The following NIPSNAP1 variants were observed in gnomAD, a reference collection of about 807,000 sequenced individuals.
NIPSNAP1 encodes nipsnap homolog 1, also known as protein NipSnap homolog 1.
A neutral mutation model predicts 49.2 loss-of-function variants in NIPSNAP1; 25 were observed. The ratio of observed to expected loss-of-function variants is 0.51; its 90% CI spans 0.37 to 0.71. The LOEUF (loss-of-function observed/expected upper bound fraction) is 0.71, where lower values mean the gene tolerates loss of function less well. Among genes scored for constraint, NIPSNAP1 ranks in the 30% least tolerant of loss-of-function variants. NIPSNAP1 has a pLI of 0.00. For synonymous variants in NIPSNAP1, 143 were observed against 140.7 expected, an observed-to-expected ratio of 1.02 and a Z score of -0.12; for missense variants, 294 against 361.0, an observed-to-expected ratio of 0.81 and a Z score of 1.50.
intron 8 of NIPSNAP1, among the ~76,000 whole-genome samples, chr22:29,559,306 C>T (rs2064317633): frequency 6.6e-6 from 1 of 152,080 alleles, no homozygotes; most frequent in Non-Finnish European, 1.5e-5. Flanking sequence ...TTTGGGAGGC[C>T]GAGGCTGGTG....
intron 8 of NIPSNAP1, among the ~76,000 whole-genome samples, 199 bp downstream of exon 8, chr22:29,560,535 C>T (rs926930901): frequency 4.6e-5 from 7 of 152,118 alleles, no homozygotes; most frequent in Admixed American, 6.6e-5. Context: ...CTTGAGCCAC[C>T]GCTCCCAGAC....
At chr22:29,580,698 T>A (rs1485552644) in intron 1 of NIPSNAP1, among the ~76,000 whole-genome samples, 2 of 152,122 alleles carry the variant, frequency 1.3e-5, no homozygotes, top group African/African-American at 2.4e-5. Context: ...CCACTCCTCC[T>A]GTCTTCTGCC....
At chr22:29,576,753 G>A (rs1179395497) in intron 1 of NIPSNAP1, among the ~76,000 whole-genome samples, 8 of 151,404 alleles carry the variant, frequency 5.3e-5, no homozygotes, top group Non-Finnish European at 8.8e-5. Flanking sequence ...GTGAAACCCC[G>A]TCTGTACTAA....
intron 6 of NIPSNAP1, 129 bp from the exon 7 acceptor site, chr22:29,561,331 C>T (rs1328464187): frequency 2.1e-6 from 3 of 1,455,066 alleles, no homozygotes; most frequent in Non-Finnish European, 2.9e-6. Flanking sequence ...TGGCCTCATT[C>T]GCAGGCCCTG....
At chr22:29,565,673 C>T (rs773602953) in intron 4 of NIPSNAP1, among the ~76,000 whole-genome samples, 30 of 152,016 alleles carry the variant, frequency 2.0e-4, no homozygotes, top group Non-Finnish European at 3.4e-4. Context: ...TTGCTTTTCT[C>T]TTATTCCCTT....
At position 29,570,157 on chromosome 22, in the gene NIPSNAP1, C is replaced by T; in HGVS notation, c.272+5G>A. 6.2e-7 allele frequency: 1 copy of T among 1,613,662 alleles called. No homozygotes were observed. The highest frequency in any genetic ancestry group is 8.5e-7 in the Non-Finnish European group (1 of 1,179,810). ...GGATGGGATGTATGGATGCAGGGTG[C>T]TCACGTGAGGCTGTTGTAGGCATCC... is the stretch of plus-strand genomic sequence containing the variant. On this transcript the variant is annotated splice_donor_5th_base_variant and intron_variant, in intron 3 of 9. Transcript: ENST00000216121.
intron 4 of NIPSNAP1, among the ~76,000 whole-genome samples, chr22:29,565,075 A>G (rs910900479): frequency 1.3e-5 from 2 of 152,046 alleles, no homozygotes; most frequent in Admixed American, 1.3e-4. Context: ...ATGGTGGTGC[A>G]TGTCTGTGGT....
chr22:29,560,654 T>C, intron 8 of NIPSNAP1, 80 bp downstream of exon 8: 1 of 1,108,796 alleles, frequency 9.0e-7, no homozygotes. Flanking sequence ...ATGAGGACAC[T>C]AATACAACCC....
At chr22:29,580,889 C>G (rs1294841755) in intron 1 of NIPSNAP1, 96 bp downstream of exon 1, 5 of 1,001,236 alleles carry the variant, frequency 5.0e-6, no homozygotes, top group Non-Finnish European at 7.0e-6. Context: ...AGATTCCAAG[C>G]GAGGAGTCTC....
chr22:29,561,092 G>A, intron 7 of NIPSNAP1, 79 bp downstream of exon 7: 1 of 1,346,256 alleles, frequency 7.4e-7, no homozygotes, highest in South Asian at 1.2e-5. Context: ...CCCTGGAAAA[G>A]GTGGCCCACC....
chr22:29,570,155 T>A lies in NIPSNAP1; in HGVS notation c.272+7A>T, dbSNP rs765229120. Reference sequence around the variant, plus strand: ...GGGGATGGGATGTATGGATGCAGGGTGCTCACGTGAGGCTGTTGTAGGCAT... The same window carrying A: ...GGGGATGGGATGTATGGATGCAGGGAGCTCACGTGAGGCTGTTGTAGGCAT... On this transcript the variant is annotated splice_region_variant and intron_variant, in intron 3 of 9. Transcript: ENST00000216121. 1 of 1,613,410 alleles carries A rather than the reference T, an allele frequency of 6.2e-7. No individual in the cohort carries two copies. Among genetic ancestry groups the A allele is most frequent in the South Asian group, 1.1e-5 (1 of 91,062 alleles).
intron 4 of NIPSNAP1, 94 bp from the exon 5 acceptor site, chr22:29,561,956 G>T: frequency 2.8e-6 from 3 of 1,053,194 alleles, no homozygotes; most frequent in Non-Finnish European, 4.4e-6. Context: ...CGGGGGAGGC[G>T]GGGTGGCCTG....
intron 4 of NIPSNAP1, chr22:29,564,467 G>C (rs2064356340): frequency 4.3e-6 from 2 of 463,860 alleles, no homozygotes; most frequent in Non-Finnish European, 8.9e-6. Context: ...AGGCTGGAGT[G>C]CGGTGGCGTG....
chr22:29,565,293 A>G (rs1018124993), intron 4 of NIPSNAP1, among the ~76,000 whole-genome samples: 15 of 152,096 alleles, frequency 9.9e-5, no homozygotes, highest in African/African-American at 2.4e-4. Context: ...AGGTGGATCA[A>G]CTGTGGTCAG....
In NIPSNAP1 at chr22:29,555,803, T is replaced by C. The variant is rs1176475226; in HGVS notation, c.*132A>G. 5 of 801,994 alleles carry C rather than the reference T, an allele frequency of 6.2e-6. No individual in the cohort carries two copies. The highest frequency in any genetic ancestry group is 1.1e-5 in the Non-Finnish European group (5 of 465,114). The allele number at this position is 801,994 out of a possible 1,614,324, so 49.7% of individuals were successfully genotyped here. A position where few individuals can be genotyped will look rare whatever the true frequency, so the allele number is the denominator to read the frequency against. On this transcript the variant is annotated 3_prime_UTR_variant, in exon 10 of 10. Coordinates refer to ENST00000216121, the MANE Select transcript of NIPSNAP1 (RefSeq NM_003634.4). ...AACTTGTCAGCCTTCAGTTCCCCCT[T>C]GTCTGAACTGAGCACTGCCCCTCAG... is the stretch of plus-strand genomic sequence containing the variant.
chr22:29,575,007 G>A (rs1315215184), intron 1 of NIPSNAP1, among the ~76,000 whole-genome samples: 14 of 152,132 alleles, frequency 9.2e-5, no homozygotes, highest in African/African-American at 3.4e-4. Context: ...ACTTGCCCAA[G>A]GCCGCACAGA....
At chr22:29,565,844 A>AT (rs2064364777) in intron 4 of NIPSNAP1, among the ~76,000 whole-genome samples, 1 of 152,244 alleles carries the variant, frequency 6.6e-6, no homozygotes, top group East Asian at 1.9e-4. Flanking sequence ...ATAATATGTT[A>AT]ATGTCTGTTA....
At chr22:29,564,494 A>G in intron 4 of NIPSNAP1, 1 of 446,786 alleles carries the variant, frequency 2.2e-6, no homozygotes, top group South Asian at 1.6e-5. Flanking sequence ...GCTCACTGCA[A>G]CATCCACCTC....
chr22:29,570,182 C>T lies in NIPSNAP1; in HGVS notation c.252G>A (p.Leu84=). The change falls in exon 3 of 10, where the codon CTG becomes CTA. Residue 84 remains leucine (L), a synonymous_variant. Transcript: ENST00000216121. ...IQFHNVKPEY[L]DAYNSLTEAV... ...CTCACGTGAGGCTGTTGTAGGCATC[C>T]AGGTATTCAGGCTTTACATTGTGAA... The T allele has an allele frequency of 6.2e-7, 1 of 1,613,904 alleles. No individual in the cohort carries two copies. Among genetic ancestry groups the T allele is most frequent in the South Asian group, 1.1e-5 (1 of 91,078 alleles).
Sources: gnomAD v4.1 joint callset for allele counts (sites outside exome capture counted in the v4.1 genomes callset) on GRCh38, gnomAD v4.1.1 for gene constraint, MANE v1.5 for transcripts, NCBI Gene and HGNC (gene_info 2026-07-23, HGNC 2026-07-21) for gene names.